SLC16A7: variants seen among roughly 807,000 people sequenced by gnomAD.
The protein encoded by SLC16A7 is solute carrier family 16 member 7, also known as monocarboxylate transporter 2.
A neutral mutation model predicts 34.9 loss-of-function variants in SLC16A7; 33 were observed. That is an observed-to-expected ratio of 0.94 (90% CI 0.72 to 1.26). The LOEUF (loss-of-function observed/expected upper bound fraction) is 1.26. Among genes scored for constraint, SLC16A7 ranks in the 50% most tolerant of loss-of-function variants. The pLI is 0.00. For synonymous variants in SLC16A7, 201 were observed against 206.6 expected, an observed-to-expected ratio of 0.97 and a Z score of 0.23; for missense variants, 573 against 578.1, an observed-to-expected ratio of 0.99 and a Z score of 0.09.
At chr12:59,699,497 T>C in intron 2 of SLC16A7, among the ~76,000 whole-genome samples, 1 of 151,746 alleles carries the variant, frequency 6.6e-6, no homozygotes, top group East Asian at 1.9e-4. Flanking sequence ...GGTTTCAGTG[T>C]AAATTTCTAC....
At chr12:59,692,788 A>T (rs1871828028) in intron 2 of SLC16A7, among the ~76,000 whole-genome samples, 1 of 152,022 alleles carries the variant, frequency 6.6e-6, no homozygotes, top group Admixed American at 6.6e-5. Context: ...AGCTATTGAT[A>T]TCTCTCTTGT....
chr12:59,649,305 A>T (rs1008433762), intron 1 of SLC16A7, among the ~76,000 whole-genome samples: 1 of 152,170 alleles, frequency 6.6e-6, no homozygotes, highest in African/African-American at 2.4e-5. Flanking sequence ...AAAGGGAAAA[A>T]GTGCATAGCT....
chr12:59,746,667 A>G (rs1343870333), intron 3 of SLC16A7, among the ~76,000 whole-genome samples: 2 of 152,214 alleles, frequency 1.3e-5, no homozygotes, highest in South Asian at 4.1e-4. Flanking sequence ...CTGTCCTCTC[A>G]TGCATCTGAA....
chr12:59,712,570 G>C (rs12227270), intron 3 of SLC16A7, among the ~76,000 whole-genome samples: 2 of 152,056 alleles, frequency 1.3e-5, no homozygotes, highest in Non-Finnish European at 2.9e-5. Flanking sequence ...CCCAGTCTCC[G>C]TCAACCCGGT....
At chr12:59,718,776 G>A (rs1273506506) in intron 3 of SLC16A7, among the ~76,000 whole-genome samples, 3 of 152,092 alleles carry the variant, frequency 2.0e-5, no homozygotes, top group Non-Finnish European at 4.4e-5. Flanking sequence ...AAGGAAATAA[G>A]TATCACATGA....
Position 59,787,411 on chromosome 12 carries a change from C to T in SLC16A7, c.*7732C>T, listed in dbSNP as rs1883701135. On this transcript the variant is annotated 3_prime_UTR_variant, in exon 6 of 6. Coordinates refer to ENST00000547379, the MANE Select transcript of SLC16A7 (RefSeq NM_001270623.2). Reference sequence around the variant, plus strand: ...TAAACAATACTAAAATCCATAACAGCTGTCTGGCAACAGTGTAATTAGAGC... The same window carrying T: ...TAAACAATACTAAAATCCATAACAGTTGTCTGGCAACAGTGTAATTAGAGC... 1 of 152,142 alleles carries T rather than the reference C, an allele frequency of 6.6e-6. No individual in the cohort carries two copies. Among genetic ancestry groups the T allele is most frequent in the South Asian group, 2.1e-4 (1 of 4,828 alleles). The allele number at this position is 152,142 out of a possible 1,614,324, so 9.4% of individuals were successfully genotyped here. A position where few individuals can be genotyped will look rare whatever the true frequency, so the allele number is the denominator to read the frequency against.
At chr12:59,669,048 C>A (rs117686631) in intron 2 of SLC16A7, among the ~76,000 whole-genome samples, 1,814 of 152,194 alleles carry the variant, frequency 0.012, 14 homozygotes, top group South Asian at 0.02. Context: ...TTATAAATGA[C>A]CCAGTCTTGA....
chr12:59,641,567 A>G (rs1880687616), intron 1 of SLC16A7, among the ~76,000 whole-genome samples: 2 of 151,268 alleles, frequency 1.3e-5, no homozygotes, highest in Admixed American at 6.6e-5. Context: ...ATTTTTTTTT[A>G]GCAGGTATCA....
intron 3 of SLC16A7, chr12:59,761,120 T>C: frequency 7.9e-7 from 1 of 1,259,126 alleles, no homozygotes; most frequent in Non-Finnish European, 1.0e-6. Context: ...TACTTGTGTT[T>C]ACAGGTAGAA....
At chr12:59,705,140 C>A in intron 3 of SLC16A7, 122 bp downstream of exon 3, 1 of 641,702 alleles carries the variant, frequency 1.6e-6, no homozygotes, top group Non-Finnish European at 2.7e-6. Flanking sequence ...CACTTAAAAC[C>A]AATCAAAAGT....
intron 2 of SLC16A7, among the ~76,000 whole-genome samples, chr12:59,658,293 C>A (rs908067616): frequency 1.3e-5 from 2 of 152,036 alleles, no homozygotes; most frequent in African/African-American, 4.8e-5. Context: ...ATTGGCATCT[C>A]ATTTACCTGG....
rs1448293128 is a variant in SLC16A7 at position 59,662,234 on chromosome 12, G to GA, written c.-31+6989dup. Among the ~76,000 whole-genome samples the GA allele has an allele frequency of 3.3e-5, 5 of 152,064 alleles. No homozygotes were observed. The East Asian group carries it at 7.7e-4, about 24-fold the overall frequency. On this transcript the variant is annotated intron_variant, in intron 2 of 5. Transcript: ENST00000547379. ...CAGTTTTACTCCTCAGTTACAATGC[G>GA]AAAAACATCATAATCTCACAAGGGA...
At chr12:59,767,656 GC>G (rs1565710398) in intron 3 of SLC16A7, among the ~76,000 whole-genome samples, 2 of 152,026 alleles carry the variant, frequency 1.3e-5, no homozygotes, top group African/African-American at 4.8e-5. Context: ...GAGACCTGCT[GC>G]TAAGAAAAAA....
intron 3 of SLC16A7, among the ~76,000 whole-genome samples, chr12:59,756,414 AAAAC>A (rs1244355914): frequency 4.6e-5 from 7 of 152,134 alleles, no homozygotes; most frequent in South Asian, 4.2e-4. Context: ...ATACAAGAGA[AAAAC>A]AAACAACCCC....
At chr12:59,684,969 A>G (rs1262171540) in intron 2 of SLC16A7, among the ~76,000 whole-genome samples, 1 of 152,148 alleles carries the variant, frequency 6.6e-6, no homozygotes, top group Non-Finnish European at 1.5e-5. Context: ...TGGTACAGGT[A>G]TGCCATCAAT....
intron 1 of SLC16A7, among the ~76,000 whole-genome samples, chr12:59,611,379 A>G (rs115608342): frequency 0.015 from 2,228 of 152,286 alleles, 47 homozygotes; most frequent in African/African-American, 0.052. Context: ...CTCGATCACT[A>G]TCATGAGAAC....
chr12:59,726,216 G>A (rs750411282), intron 3 of SLC16A7, among the ~76,000 whole-genome samples: 3 of 152,024 alleles, frequency 2.0e-5, no homozygotes, highest in East Asian at 1.9e-4. Context: ...TTCCAGTGGC[G>A]TTCACACTGA....
chr12:59,701,874 T>C lies in SLC16A7; in HGVS notation c.-30-2898T>C, dbSNP rs149324054. ...AATAATCCAGTTGTATTTCTGAATG[T>C]TTACTATAGCAGATATGATAAAAAC... On this transcript the variant is annotated intron_variant, in intron 2 of 5. Coordinates refer to ENST00000547379, the MANE Select transcript of SLC16A7 (RefSeq NM_001270623.2). 1.4e-3 allele frequency among the ~76,000 whole-genome samples: 213 copies of C among 151,948 alleles called. 1 individual carries two copies. The highest frequency in any genetic ancestry group is 6.8e-3 in the Middle Eastern group (2 of 294).
intron 2 of SLC16A7, among the ~76,000 whole-genome samples, chr12:59,679,559 T>C (rs1224115847): frequency 6.6e-6 from 1 of 152,238 alleles, no homozygotes; most frequent in Non-Finnish European, 1.5e-5. Context: ...TAGGTTATTC[T>C]CCTCTTAGCC....
Sources: allele counts gnomAD v4.1 joint callset (sites outside exome capture counted in the v4.1 genomes callset), GRCh38; gene constraint gnomAD v4.1.1; transcripts MANE v1.5; gene names NCBI Gene and HGNC (gene_info 2026-07-23, HGNC 2026-07-21).